PRKN: variants seen among roughly 807,000 people sequenced by gnomAD.
PRKN encodes the protein E3 ubiquitin-protein ligase parkin.
PRKN carries 56 observed loss-of-function variants against 59.5 expected under a neutral mutation model. The observed-to-expected ratio is 0.94, with a 90% CI of 0.76 to 1.18. The LOEUF is 1.18. Ranked by LOEUF, PRKN falls within the 50% of genes most tolerant of loss-of-function variation. The pLI, the probability that PRKN is intolerant of heterozygous loss-of-function variation, is 0.00. For synonymous variants in PRKN, 250 were observed against 222.1 expected (o/e 1.13, Z -1.12); for missense variants, 657 against 596.4 (o/e 1.10, Z -1.06).
At position 161,633,906 on chromosome 6, in the gene PRKN, A is replaced by G. The variant is rs1279223063; in HGVS notation, c.872-64490T>C. Among the ~76,000 whole-genome samples the G allele has an allele frequency of 2.6e-5, 4 of 152,050 alleles. 1 individual carries two copies. The highest frequency in any genetic ancestry group is 9.7e-5 in the African/African-American group (4 of 41,388). ...GTCCAAAATGTCTCCTGTCAGACGA[A>G]TTAAAATGATTATGGGCTAAAGCTG... is the stretch of plus-strand genomic sequence containing the variant. On this transcript the variant is annotated intron_variant, in intron 7 of 11. Transcript: ENST00000366898.
chr6:161,783,102 T>C (rs985420373), intron 7 of PRKN, among the ~76,000 whole-genome samples: 5 of 152,134 alleles, frequency 3.3e-5, no homozygotes, highest in African/African-American at 1.2e-4. Flanking sequence ...GATACTGTTG[T>C]GGGTGCATTC....
chr6:162,253,319 T>TAATCTAATCTAATCG (rs1554291287), intron 3 of PRKN, among the ~76,000 whole-genome samples: 9 of 152,132 alleles, frequency 5.9e-5, no homozygotes, highest in African/African-American at 2.2e-4. Context: ...TAATCTAATC[T>TAATCTAATCTAATCG]GTTTCTCCAT....
intron 6 of PRKN, among the ~76,000 whole-genome samples, chr6:161,948,667 A>C (rs753327687): frequency 1.3e-5 from 2 of 152,144 alleles, no homozygotes; most frequent in African/African-American, 2.4e-5. Context: ...AATGCAGACA[A>C]TTTCTCTGGC....
chr6:161,796,341 A>C (rs1790848660), intron 6 of PRKN, among the ~76,000 whole-genome samples: 1 of 152,136 alleles, frequency 6.6e-6, no homozygotes, highest in African/African-American at 2.4e-5. Flanking sequence ...AAATAAAAAA[A>C]TTAACTTCTG....
At chr6:162,108,300 C>T (rs563357582) in intron 4 of PRKN, among the ~76,000 whole-genome samples, 15 of 152,242 alleles carry the variant, frequency 9.9e-5, no homozygotes, top group African/African-American at 3.6e-4. Flanking sequence ...TGGGAGCTTC[C>T]CCATGGGAGG....
chr6:162,598,873 A>G (rs1378238684), intron 1 of PRKN, among the ~76,000 whole-genome samples: 1 of 144,880 alleles, frequency 6.9e-6, no homozygotes, highest in Non-Finnish European at 1.5e-5. Context: ...AAAAAAAAGC[A>G]ATTGCAGAAT....
At chr6:161,702,404 A>C (rs1184824583) in intron 7 of PRKN, among the ~76,000 whole-genome samples, 1 of 152,214 alleles carries the variant, frequency 6.6e-6, no homozygotes, top group East Asian at 1.9e-4. Context: ...ATGGACCTTA[A>C]AGACTATGCT....
At chr6:161,374,799 A>G (rs578019186) in intron 10 of PRKN, among the ~76,000 whole-genome samples, 2 of 141,474 alleles carry the variant, frequency 1.4e-5, no homozygotes, top group Middle Eastern at 3.6e-3. Flanking sequence ...TATTTTCCAC[A>G]TTGCGAACTT....
At chr6:162,707,668 G>A (rs1398978413) in intron 1 of PRKN, among the ~76,000 whole-genome samples, 2 of 151,696 alleles carry the variant, frequency 1.3e-5, no homozygotes, top group South Asian at 2.1e-4. Flanking sequence ...TCCAACTCCC[G>A]GGTTCAAGTG....
intron 1 of PRKN, among the ~76,000 whole-genome samples, chr6:162,518,234 T>C (rs751114289): frequency 1.1e-4 from 16 of 152,190 alleles, no homozygotes; most frequent in Admixed American, 3.3e-4. Context: ...AATTAAAATG[T>C]AACATTAATA....
chr6:162,371,995 G>T (rs1306236203), intron 2 of PRKN, among the ~76,000 whole-genome samples: 1 of 152,146 alleles, frequency 6.6e-6, no homozygotes, highest in Non-Finnish European at 1.5e-5. Context: ...AGTGCACAAA[G>T]CTCTTCAAGA....
intron 1 of PRKN, among the ~76,000 whole-genome samples, chr6:162,514,900 G>A (rs1461827067): frequency 6.6e-6 from 1 of 151,974 alleles, no homozygotes; most frequent in African/African-American, 2.4e-5. Flanking sequence ...GTGGTTAATA[G>A]AAAGTATTTC....
intron 1 of PRKN, among the ~76,000 whole-genome samples, chr6:162,493,383 C>A (rs191767353): frequency 6.6e-6 from 1 of 152,014 alleles, no homozygotes; most frequent in Non-Finnish European, 1.5e-5. Context: ...TTTTCAGATG[C>A]GGTTGGTTAC....
chr6:161,397,446 C>T lies in PRKN; in HGVS notation c.1084-10569G>A, dbSNP rs1334476096. The stretch of plus-strand genomic sequence containing the variant: ...GCACGTGGAGATAGCATTTGTTTTT[C>T]TGCCCTTCACATTTGCCCCTTCAGG... On this transcript the variant is annotated intron_variant, in intron 9 of 11. Transcript: ENST00000366898. The surrounding 1 kb of genome is among the most constrained non-coding windows in gnomAD (Gnocchi z 4.2). 6.6e-6 allele frequency among the ~76,000 whole-genome samples: 1 copy of T among 152,158 alleles called. No individual in the cohort carries two copies. Among genetic ancestry groups the T allele is most frequent in the Non-Finnish European group, 1.5e-5 (1 of 68,030 alleles).
At chr6:161,434,652 T>G (rs1377872808) in intron 9 of PRKN, among the ~76,000 whole-genome samples, 6 of 152,188 alleles carry the variant, frequency 3.9e-5, no homozygotes, top group Non-Finnish European at 8.8e-5. Context: ...CCTGGAGCCT[T>G]AATTTTCTCA....
chr6:161,590,885 G>A (rs1237442656), intron 7 of PRKN, among the ~76,000 whole-genome samples: 1 of 152,104 alleles, frequency 6.6e-6, no homozygotes, highest in Non-Finnish European at 1.5e-5. Context: ...CTAGATAAGA[G>A]GGGTCTAAAG....
At chr6:161,813,481 G>A (rs562903152) in intron 6 of PRKN, among the ~76,000 whole-genome samples, 1 of 152,172 alleles carries the variant, frequency 6.6e-6, no homozygotes. Flanking sequence ...AAAAGGAAAA[G>A]ACCTGTCTGG....
rs373910895 is a variant in PRKN, at chr6:162,720,605, C to A, written c.7+7057G>T. ...AGCTGGGACTACAGGCGCCCGCCAC[C>A]GCGCCCGGCTAATTTTTTGTATTTT... On this transcript the variant is annotated intron_variant, in intron 1 of 11. Transcript: ENST00000366898. Among the ~76,000 whole-genome samples, 715 of 151,574 alleles carry A rather than the reference C, an allele frequency of 4.7e-3. 7 individuals are homozygous for A. Among genetic ancestry groups the A allele is most frequent in the African/African-American group, 0.016 (661 of 41,252 alleles).
chr6:162,446,152 T>C (rs535389805), intron 1 of PRKN, among the ~76,000 whole-genome samples: 1 of 152,288 alleles, frequency 6.6e-6, no homozygotes, highest in South Asian at 2.1e-4. Flanking sequence ...CTGAGGTATC[T>C]TCACAGCATC....
Sources: gnomAD v4.1 joint callset for allele counts (sites outside exome capture counted in the v4.1 genomes callset) on GRCh38, gnomAD v4.1.1 for gene constraint, Gnocchi (gnomAD v3.1) non-coding constraint, MANE v1.5 for transcripts, NCBI Gene and HGNC (gene_info 2026-07-23, HGNC 2026-07-21) for gene names.